DIAPH1: variants seen among roughly 807,000 people sequenced by gnomAD.
DIAPH1 encodes diaphanous related formin 1, also known as protein diaphanous homolog 1.
A neutral mutation model predicts 140.7 loss-of-function variants in DIAPH1; 46 were observed. The observed-to-expected ratio is 0.33, with a 90% CI of 0.26 to 0.42. The LOEUF (loss-of-function observed/expected upper bound fraction) is 0.42. Ranked by LOEUF, DIAPH1 falls within the 10% of genes least tolerant of loss-of-function variation. The probability of loss-of-function intolerance (pLI) is 1.00; values close to 1 mark genes in which losing one functional copy is unlikely to be tolerated. For synonymous variants in DIAPH1, 565 were observed against 551.6 expected (o/e 1.02, Z -0.34); for missense variants, 1,310 against 1,558.7 (o/e 0.84, Z 2.69).
intron 18 of DIAPH1, among the ~76,000 whole-genome samples, chr5:141,539,528 CCAA>C (rs1384023314): frequency 1.3e-5 from 2 of 151,010 alleles, no homozygotes; most frequent in Admixed American, 1.3e-4. Context: ...CCTCGGCCTC[CCAA>C]AGTGCTGGGA....
chr5:141,584,025 G>A lies in DIAPH1; in HGVS notation c.402+99C>T. The A allele has an allele frequency of 4.1e-6, 3 of 732,752 alleles. No individual in the cohort carries two copies. In the South Asian group the frequency reaches 4.6e-5, roughly 11 times the overall value. The allele number at this position is 732,752 out of a possible 1,614,324, so 45.4% of individuals were successfully genotyped here. A position where few individuals can be genotyped will look rare whatever the true frequency, so the allele number is the denominator to read the frequency against. Reference sequence around the variant, plus strand: ...TTATATAATGGAATGAAACAGAATTGATGCAGACATAAAATGTTACATAAA... The same window carrying A: ...TTATATAATGGAATGAAACAGAATTAATGCAGACATAAAATGTTACATAAA... On this transcript the variant is annotated intron_variant, in intron 4 of 27. Coordinates refer to ENST00000389054, the MANE Select transcript of DIAPH1 (RefSeq NM_005219.5).
chr5:141,551,652 C>T (rs748670717), intron 18 of DIAPH1, among the ~76,000 whole-genome samples: 4 of 151,818 alleles, frequency 2.6e-5, no homozygotes, highest in Admixed American at 6.6e-5. Context: ...AAAATTATGT[C>T]AATATAAAAA....
At position 141,526,476 on chromosome 5, in the gene DIAPH1, T is replaced by C. The variant is rs916076581; in HGVS notation, c.3274-15A>G. Reference sequence around the variant, plus strand: ...TTCACAAAGCTGTGCAGCCAAGGAGTAAAGGACCAAGACCAAGACCAAGAA... The same window carrying C: ...TTCACAAAGCTGTGCAGCCAAGGAGCAAAGGACCAAGACCAAGACCAAGAA... On this transcript the variant is annotated splice_polypyrimidine_tract_variant and intron_variant, in intron 24 of 27. Coordinates refer to ENST00000389054, the MANE Select transcript of DIAPH1 (RefSeq NM_005219.5). 2 of 1,613,584 alleles carry C rather than the reference T, an allele frequency of 1.2e-6. No individual in the cohort carries two copies. Among genetic ancestry groups the C allele is most frequent in the Non-Finnish European group, 1.7e-6 (2 of 1,179,960 alleles).
intron 27 of DIAPH1, among the ~76,000 whole-genome samples, chr5:141,517,836 C>G (rs1007366461): frequency 6.6e-6 from 1 of 152,186 alleles, no homozygotes; most frequent in African/African-American, 2.4e-5. Context: ...AATCAATCCA[C>G]GAGTTTCTGT....
chr5:141,585,759 G>A (rs114323961), intron 3 of DIAPH1, among the ~76,000 whole-genome samples: 1 of 151,978 alleles, frequency 6.6e-6, no homozygotes, highest in African/African-American at 2.4e-5. Flanking sequence ...CTCTGCTTGC[G>A]ACAGAGCAAT....
chr5:141,524,339 G>T, intron 26 of DIAPH1, 110 bp from the exon 27 acceptor site: 1 of 987,544 alleles, frequency 1.0e-6, no homozygotes, highest in Non-Finnish European at 1.6e-6. Flanking sequence ...CTCTCCCACA[G>T]CAGCTGGCAG....
intron 1 of DIAPH1, 28 bp from the exon 2 acceptor site, chr5:141,588,278 G>C (rs1489057687): frequency 1.3e-6 from 2 of 1,587,532 alleles, no homozygotes; most frequent in Admixed American, 1.7e-5. Context: ...GGAGGGAGAA[G>C]AAAGAAGAGA....
intron 5 of DIAPH1, 72 bp downstream of exon 5, chr5:141,583,413 T>C: frequency 4.3e-6 from 7 of 1,612,328 alleles, no homozygotes; most frequent in Non-Finnish European, 5.9e-6. Context: ...CCCTGGCTCC[T>C]TTGATCTTCA....
Position 141,578,696 on chromosome 5 carries a change from G to T in DIAPH1, c.934-71C>A, listed in dbSNP as rs2099896309. On this transcript the variant is annotated intron_variant, in intron 9 of 27. Coordinates refer to ENST00000389054, the MANE Select transcript of DIAPH1 (RefSeq NM_005219.5). ...GATCAAGAATCCATTTTCTTTACAT[G>T]CATTCTTAGGTCCCCAATACAACCT... The T allele has an allele frequency of 8.8e-6, 10 of 1,139,622 alleles. No homozygotes were observed. In the Admixed American group the frequency reaches 1.6e-4, roughly 18 times the overall value. 70.6% of individuals were successfully genotyped at this position (1,139,622 alleles called of 1,614,324 possible). A position where few individuals can be genotyped will look rare whatever the true frequency, so the allele number is the denominator to read the frequency against.
intron 4 of DIAPH1, 48 bp from the exon 5 acceptor site, chr5:141,583,663 A>C: frequency 6.2e-7 from 1 of 1,610,096 alleles, no homozygotes; most frequent in Non-Finnish European, 8.5e-7. Context: ...ACCCAGTCAT[A>C]AATTAAGGAC....
chr5:141,591,874 G>C (rs1274523106), intron 1 of DIAPH1, among the ~76,000 whole-genome samples: 2 of 150,072 alleles, frequency 1.3e-5, no homozygotes, highest in South Asian at 2.1e-4. Flanking sequence ...ACGAGATCAG[G>C]AGTTTGAGAC....
intron 14 of DIAPH1, among the ~76,000 whole-genome samples, chr5:141,575,743 A>T (rs1242211644): frequency 6.6e-6 from 1 of 152,082 alleles, no homozygotes; most frequent in South Asian, 2.1e-4. Flanking sequence ...TTTTATAGTT[A>T]AAAAAAATAA....
chr5:141,528,627 T>A (rs1022451587), intron 22 of DIAPH1, 45 bp from the exon 23 acceptor site: 2 of 1,614,230 alleles, frequency 1.2e-6, no homozygotes, highest in East Asian at 2.2e-5. Flanking sequence ...ATGTCCAAGA[T>A]GGCCTCCTGC....
chr5:141,527,717 A>AC lies in DIAPH1; in HGVS notation c.3149-21_3149-20insG. 1 of 1,557,652 alleles carries AC rather than the reference A, an allele frequency of 6.4e-7. No homozygotes were observed. The highest frequency in any genetic ancestry group is 1.9e-5 in the Admixed American group (1 of 51,876). The stretch of plus-strand genomic sequence containing the variant: ...CAGAAACTAAAAAAAAAAAAAAAAA[A>AC]AAAAACCATAAAAACAGACAGCAAG... On this transcript the variant is annotated intron_variant, in intron 23 of 27. Transcript: ENST00000389054.
intron 18 of DIAPH1, chr5:141,561,810 C>T (rs1018904261): frequency 2.0e-5 from 3 of 152,134 alleles, no homozygotes; most frequent in Non-Finnish European, 2.9e-5. Flanking sequence ...AGGCAATGGG[C>T]GAGAGTTCTA....
At position 141,527,699 on chromosome 5, in the gene DIAPH1, TAAAAAAA is replaced by T. The variant is rs79558427; in HGVS notation, c.3149-9_3149-3del. 1.6e-5 allele frequency: 18 copies of T among 1,129,978 alleles called. No homozygotes were observed. The highest frequency in any genetic ancestry group is 1.5e-4 in the East Asian group (4 of 27,436). The allele number at this position is 1,129,978 out of a possible 1,614,324, so 70.0% of individuals were successfully genotyped here. On this transcript the variant is annotated splice_polypyrimidine_tract_variant and splice_region_variant and intron_variant, in intron 23 of 27. Transcript: ENST00000389054. ...TCTTTTGCAAGTTTTCAGCAGAAAC[TAAAAAAA>T]AAAAAAAAAAAAAAAACCATAAAAA...
intron 27 of DIAPH1, among the ~76,000 whole-genome samples, chr5:141,517,403 G>C (rs2099885854): frequency 1.3e-5 from 2 of 152,140 alleles, no homozygotes; most frequent in Admixed American, 1.3e-4. Context: ...TATTATTTTT[G>C]TTTTCTTGAC....
chr5:141,581,092 GA>G (rs1320839284), intron 7 of DIAPH1, among the ~76,000 whole-genome samples: 1 of 152,236 alleles, frequency 6.6e-6, no homozygotes, highest in Non-Finnish European at 1.5e-5. Flanking sequence ...TGCTGGGGTA[GA>G]AAGGGTCCTT....
Position 141,587,123 on chromosome 5 carries a change from T to A in DIAPH1, c.219A>T (p.Ala73=), listed in dbSNP as rs771948937. Residue 73 remains alanine, a synonymous_variant, in exon 3 of 28, where the codon GCA becomes GCT. Coordinates refer to ENST00000389054, the MANE Select transcript of DIAPH1 (RefSeq NM_005219.5). ...GTGCTGTGGGATCATCCCCATATGA[T>A]GCAGAAGAATTTCTATGAGCAGAAT... ...KPNSAHRNSS[A]SYGDDPTAQS... 1 of 1,614,048 alleles carries A rather than the reference T, an allele frequency of 6.2e-7. No homozygotes were observed. Among genetic ancestry groups the A allele is most frequent in the Non-Finnish European group, 8.5e-7 (1 of 1,180,004 alleles).
Sources: allele counts gnomAD v4.1 joint callset (sites outside exome capture counted in the v4.1 genomes callset), GRCh38; gene constraint gnomAD v4.1.1; transcripts MANE v1.5; gene names NCBI Gene and HGNC (gene_info 2026-07-23, HGNC 2026-07-21).